Variants in SOX8 observed in about 807,000 individuals in gnomAD.
SOX8 encodes transcription factor SOX-8.
A neutral mutation model predicts 22.9 loss-of-function variants in SOX8; 9 were observed. That is an observed-to-expected ratio of 0.39 (90% CI 0.24 to 0.69). The LOEUF is 0.69. Ranked by LOEUF, SOX8 falls within the 30% of genes least tolerant of loss-of-function variation. The probability of loss-of-function intolerance (pLI) is 0.43; values close to 1 mark genes in which losing one functional copy is unlikely to be tolerated. For missense variants in SOX8, 734 were observed against 699.4 expected (o/e 1.05, Z -0.56); for synonymous variants, 416 against 330.6 (o/e 1.26, Z -2.80).
In SOX8 at chr16:981,887, G is replaced by T; in HGVS notation, c.-36G>T. 2.6e-6 allele frequency: 3 copies of T among 1,161,794 alleles called. No homozygotes were observed. The highest frequency in any genetic ancestry group is 2.1e-6 in the Non-Finnish European group (2 of 943,658). 72.0% of individuals were successfully genotyped at this position (1,161,794 alleles called of 1,614,324 possible). A position where few individuals can be genotyped will look rare whatever the true frequency, so the allele number is the denominator to read the frequency against. ...CAGCCCCGGGCGCCGGCCCCGGTGC[G>T]CGTCTCCTGTGCGCGCCCCTCCGCG... is the stretch of plus-strand genomic sequence containing the variant. On this transcript the variant is annotated 5_prime_UTR_variant, in exon 1 of 3. Transcript: ENST00000293894.
rs978888537 is a variant in SOX8, at chr16:982,234, G to A, written c.312G>A (p.Arg104=). 2.6e-6 allele frequency: 4 copies of A among 1,549,624 alleles called. No homozygotes were observed. The highest frequency in any genetic ancestry group is 3.5e-6 in the Non-Finnish European group (4 of 1,155,560). Residue 104 remains arginine (R), a synonymous_variant, in exon 1 of 3, where the codon CGG becomes CGA. Transcript: ENST00000293894. ...TCAAAGCCAAGCCGCATGTGAAGCG[G>A]CCCATGAACGCATTCATGGTGTGGG... The part of the protein sequence containing the change: ...GALKAKPHVK[R]PMNAFMVWAQ...
intron 2 of SOX8, 67 bp from the exon 3 acceptor site, chr16:984,634 G>T: frequency 9.3e-7 from 1 of 1,079,406 alleles, no homozygotes; most frequent in South Asian, 1.7e-5. Context: ...TCCCCTTCCA[G>T]CCTGGCCGGC....
rs1216752723 is a variant in SOX8, at chr16:986,546, C to G, written c.*1160C>G. On this transcript the variant is annotated 3_prime_UTR_variant, in exon 3 of 3. Transcript: ENST00000293894. Reference sequence around the variant, plus strand: ...TCTTGGCTCGCAGGCACCAGTGCCACCTACCAAGCTGTGAAACTAAACCTT... The same window carrying G: ...TCTTGGCTCGCAGGCACCAGTGCCAGCTACCAAGCTGTGAAACTAAACCTT... The G allele has an allele frequency of 6.6e-6, 1 of 152,422 alleles. No individual in the cohort carries two copies. The highest frequency in any genetic ancestry group is 2.4e-5 in the African/African-American group (1 of 41,456). 9.4% of individuals were successfully genotyped at this position (152,422 alleles called of 1,614,324 possible).
intron 2 of SOX8, 35 bp downstream of exon 2, chr16:983,995 C>T: frequency 3.5e-6 from 5 of 1,448,288 alleles, no homozygotes; most frequent in Non-Finnish European, 4.6e-6. Context: ...CTGAGGGTCC[C>T]TGTATGGGAG....
intron 1 of SOX8, 122 bp downstream of exon 1, chr16:982,466 T>C (rs1364573646): frequency 9.3e-7 from 1 of 1,069,810 alleles, no homozygotes; most frequent in African/African-American, 1.6e-5. Flanking sequence ...GGCTCCGGGC[T>C]CTGCACCCCG....
At chr16:984,633 A>G in intron 2 of SOX8, 68 bp from the exon 3 acceptor site, 2 of 1,051,552 alleles carry the variant, frequency 1.9e-6, no homozygotes, top group Non-Finnish European at 2.6e-6. Flanking sequence ...CTCCCCTTCC[A>G]GCCTGGCCGG....
rs376656371 is a variant in SOX8 at position 984,973 on chromosome 16, G to T, written c.928G>T (p.Ala310Ser). ...GQAYGGAYFH[A>S]GASPVWAHKS... The stretch of plus-strand genomic sequence containing the variant: ...GGCCTATGGGGGCGCCTACTTCCAC[G>T]CCGGGGCGTCCCCCGTGTGGGCCCA... Residue 310 changes from alanine to serine, a missense_variant, in exon 3 of 3, where the codon GCC becomes TCC. Around this residue, in one of 3 missense-constraint regions of SOX8, gnomAD observed 588 missense variants for 568.2 expected, o/e 1.03. Transcript: ENST00000293894. 1.8e-5 allele frequency: 29 copies of T among 1,590,320 alleles called. No individual in the cohort carries two copies. The East Asian group carries it at 6.4e-4, about 35-fold the overall frequency.
At chr16:982,458 C>A in intron 1 of SOX8, 114 bp downstream of exon 1, 2 of 1,125,446 alleles carry the variant, frequency 1.8e-6, no homozygotes, top group Non-Finnish European at 1.1e-6. Context: ...CACACGCAGG[C>A]TCCGGGCTCT....
intron 2 of SOX8, among the ~76,000 whole-genome samples, chr16:984,307 A>G (rs934049106): frequency 2.0e-5 from 3 of 152,206 alleles, no homozygotes; most frequent in Non-Finnish European, 4.4e-5. Flanking sequence ...CCAGACTGAC[A>G]GGGTGGAGTC....
rs766269666 is a variant in SOX8 at position 985,042 on chromosome 16, C to G, written c.997C>G (p.Pro333Ala). The change falls in exon 3 of 3, where the codon CCC (proline) becomes GCC (alanine). Residue 333 changes from proline (P) to alanine (A), a missense_variant. Physicochemically the swap from Pro to Ala is conservative, Grantham distance 27. This residue lies in a region of SOX8 where 588 missense variants were observed against 568.2 expected (regional missense o/e 1.03). Coordinates refer to ENST00000293894, the MANE Select transcript of SOX8 (RefSeq NM_014587.5). The stretch of plus-strand genomic sequence containing the variant: ...CTCCGCGTCGCCCACCGAGACGGGT[C>G]CCCCACGGCCGCACATCAAGACGGA... The part of the protein sequence containing the change: ...SASASPTETG[P>A]PRPHIKTEQP... The G allele has an allele frequency of 9.6e-5, 151 of 1,577,374 alleles. No individual in the cohort carries two copies. Among genetic ancestry groups the G allele is most frequent in the Non-Finnish European group, 1.2e-4 (137 of 1,169,938 alleles).
rs752064937 is a variant in SOX8 at position 983,914 on chromosome 16, G to C, written c.609G>C (p.Lys203Asn). 19 of 1,585,294 alleles carry C rather than the reference G, an allele frequency of 1.2e-5. No homozygotes were observed. The highest frequency in any genetic ancestry group is 1.4e-5 in the Non-Finnish European group (16 of 1,164,848). ...ACCCTGGCGGCGGTGCCGTGTACAA[G>C]GCTGAAGCAGGGCTTGGAGATGGGC... ...GPHPGGGAVY[K>N]AEAGLGDGHH... The change falls in exon 2 of 3, where the codon AAG becomes AAC. Residue 203 changes from lysine to asparagine, a missense_variant. By Grantham distance (94) the Lys-to-Asn change is moderately conservative (BLOSUM62 0). Coordinates refer to ENST00000293894, the MANE Select transcript of SOX8 (RefSeq NM_014587.5).
chr16:985,392 C>G lies in SOX8; in HGVS notation c.*6C>G. Reference sequence around the variant, plus strand: ...CCACCCTGACCAGGCCCTGAGGGCCCAGCCGCGGGGAGGGACTCGCAGGCG... The same window carrying G: ...CCACCCTGACCAGGCCCTGAGGGCCGAGCCGCGGGGAGGGACTCGCAGGCG... On this transcript the variant is annotated 3_prime_UTR_variant, in exon 3 of 3. Coordinates refer to ENST00000293894, the MANE Select transcript of SOX8 (RefSeq NM_014587.5). The G allele has an allele frequency of 6.5e-7, 1 of 1,528,912 alleles. No individual in the cohort carries two copies. Among genetic ancestry groups the G allele is most frequent in the Non-Finnish European group, 8.8e-7 (1 of 1,140,202 alleles). The allele number at this position is 1,528,912 out of a possible 1,614,324, so 94.7% of individuals were successfully genotyped here.
At chr16:984,631 C>T in intron 2 of SOX8, 70 bp from the exon 3 acceptor site, 7 of 1,037,766 alleles carry the variant, frequency 6.7e-6, no homozygotes, top group Non-Finnish European at 8.1e-6. Context: ...CCCTCCCCTT[C>T]CAGCCTGGCC....
At position 986,024 on chromosome 16, in the gene SOX8, G is replaced by A; in HGVS notation, c.*638G>A. 1 of 152,236 alleles carries A rather than the reference G, an allele frequency of 6.6e-6. No individual in the cohort carries two copies. The highest frequency in any genetic ancestry group is 3.2e-3 in the Middle Eastern group (1 of 316). 9.4% of individuals were successfully genotyped at this position (152,236 alleles called of 1,614,324 possible). A position where few individuals can be genotyped will look rare whatever the true frequency, so the allele number is the denominator to read the frequency against. On this transcript the variant is annotated 3_prime_UTR_variant, in exon 3 of 3. Coordinates refer to ENST00000293894, the MANE Select transcript of SOX8 (RefSeq NM_014587.5). ...ATTTTTATTTTTGAAGCTTAAATGTGTTTCTTCTGAAAGCTGTTAAAGATG... is the reference window on the plus strand; with the variant it reads ...ATTTTTATTTTTGAAGCTTAAATGTATTTCTTCTGAAAGCTGTTAAAGATG...
rs1308401389 is a variant in SOX8 at position 983,731 on chromosome 16, G to C, written c.426G>C (p.Leu142Phe). 5 of 1,611,824 alleles carry C rather than the reference G, an allele frequency of 3.1e-6. No individual in the cohort carries two copies. In the Admixed American group the frequency reaches 5.0e-5, roughly 16 times the overall value. Residue 142 changes from leucine to phenylalanine, a missense_variant, in exon 2 of 3, where the codon TTG (leucine) becomes TTC (phenylalanine). By Grantham distance (22) the Leu-to-Phe change is conservative. Coordinates refer to ENST00000293894, the MANE Select transcript of SOX8 (RefSeq NM_014587.5). ...LSKTLGKLWR[L>F]LSESEKRPFV... ...CTGCCTCTGCCCTGTGCTGCAGCTTGCTGAGCGAGAGCGAGAAGCGGCCCT... is the reference window on the plus strand; with the variant it reads ...CTGCCTCTGCCCTGTGCTGCAGCTTCCTGAGCGAGAGCGAGAAGCGGCCCT...
chr16:982,187 C>CGCGGCGGCG lies in SOX8; in HGVS notation c.275_283dup (p.Gly92_Gly94dup). 6.7e-7 allele frequency: 1 copy of CGCGGCGGCG among 1,502,312 alleles called. No homozygotes were observed. Among genetic ancestry groups the CGCGGCGGCG allele is most frequent in the Non-Finnish European group, 8.8e-7 (1 of 1,131,684 alleles). 93.1% of individuals were successfully genotyped at this position (1,502,312 alleles called of 1,614,324 possible). On this transcript the variant is annotated inframe_insertion, in exon 1 of 3. Transcript: ENST00000293894. ...CTGGAGTCTGGTGCCCATGCCGGTG[C>CGCGGCGGCG]GCGGCGGCGGCGGCGGCGCGCTCAA...
chr16:984,040 G>A, intron 2 of SOX8, 80 bp downstream of exon 2: 1 of 1,242,314 alleles, frequency 8.0e-7, no homozygotes. Flanking sequence ...AAGGGTGCAT[G>A]ATGGTGGAGG....
At chr16:984,612 C>T (rs543818439) in intron 2 of SOX8, 89 bp from the exon 3 acceptor site, 6 of 770,274 alleles carry the variant, frequency 7.8e-6, no homozygotes, top group South Asian at 3.9e-5. Flanking sequence ...TGGCAGTTAG[C>T]GCGGGCGTCC....
rs549982561 is a variant in SOX8 at position 982,410 on chromosome 16, G to C, written c.422+66G>C. 6,401 of 1,284,126 alleles carry C rather than the reference G, an allele frequency of 5.0e-3. 24 individuals carry two copies. The highest frequency in any genetic ancestry group is 5.5e-3 in the Non-Finnish European group (5,603 of 1,012,092). 79.5% of individuals were successfully genotyped at this position (1,284,126 alleles called of 1,614,324 possible). ...CCGCCCCTGGTCTCGGACTGCGAGC[G>C]GGGGCCTGGAGGGCGCAGAGCTCGC... On this transcript the variant is annotated intron_variant, in intron 1 of 2. Coordinates refer to ENST00000293894, the MANE Select transcript of SOX8 (RefSeq NM_014587.5).
Sources: gnomAD v4.1 joint callset for allele counts (sites outside exome capture counted in the v4.1 genomes callset) on GRCh38, gnomAD v4.1.1 for gene constraint, gnomAD v4.1.1 regional missense constraint, MANE v1.5 for transcripts, NCBI Gene and HGNC (gene_info 2026-07-23, HGNC 2026-07-21) for gene names.